Variants in ABI2 observed in about 807,000 individuals in gnomAD.
ABI2 encodes the protein abl interactor 2, also known as abelson interactor 2.
In ABI2, 25 loss-of-function variants were observed where a neutral mutation model predicts 59.2. That is an observed-to-expected ratio of 0.42 (90% CI 0.31 to 0.59). The LOEUF (loss-of-function observed/expected upper bound fraction) is 0.59, where lower values mean the gene tolerates loss of function less well. ABI2 is among the 20% of genes least tolerant of loss of function. The pLI is 0.14. For missense variants in ABI2, 545 were observed against 681.8 expected (o/e 0.80, Z 2.23); for synonymous variants, 213 against 235.5 (o/e 0.90, Z 0.87).
chr2:203,405,593 C>A (rs968592824), intron 9 of ABI2, among the ~76,000 whole-genome samples: 1 of 152,056 alleles, frequency 6.6e-6, no homozygotes, highest in African/African-American at 2.4e-5. Flanking sequence ...CTCCCAGTAG[C>A]CCTGCAATTG....
chr2:203,365,622 C>CTTT (rs71007507), intron 1 of ABI2, among the ~76,000 whole-genome samples: 705 of 63,936 alleles, frequency 0.011, 5 homozygotes, highest in East Asian at 0.035. Context: ...GGGCTGTTAT[C>CTTT]TTTTTTTTTT....
intron 4 of ABI2, among the ~76,000 whole-genome samples, chr2:203,384,809 C>T (rs369229903): frequency 6.6e-6 from 1 of 151,252 alleles, no homozygotes; most frequent in African/African-American, 2.4e-5. Context: ...AGTTGAACAT[C>T]GCCCAAGCAG....
chr2:203,393,842 C>T (rs1417598577), intron 5 of ABI2, among the ~76,000 whole-genome samples: 1 of 151,542 alleles, frequency 6.6e-6, no homozygotes, highest in Non-Finnish European at 1.5e-5. Flanking sequence ...AATTTGGAAA[C>T]CTAAGTAGAA....
intron 1 of ABI2, among the ~76,000 whole-genome samples, chr2:203,357,441 C>G (rs987684243): frequency 3.3e-5 from 5 of 152,178 alleles, no homozygotes; most frequent in African/African-American, 7.2e-5. Flanking sequence ...ACAAATGTAG[C>G]AAATACCTAG....
In ABI2 at chr2:203,367,037, T is replaced by C. The variant is rs1246865323; in HGVS notation, c.278T>C (p.Ile93Thr). 1 of 1,613,132 alleles carries C rather than the reference T, an allele frequency of 6.2e-7. No homozygotes were observed. The highest frequency in any genetic ancestry group is 8.5e-7 in the Non-Finnish European group (1 of 1,179,564). The change falls in exon 2 of 12, where the codon ATT becomes ACT. Residue 93 changes from isoleucine to threonine, a missense_variant. Around this residue, in one of 4 missense-constraint regions of ABI2, gnomAD observed 36 missense variants for 80.0 expected, o/e 0.45. Transcript: ENST00000261018. ...LRRMESSINHISQTVDIHKEK... is the reference protein window; with the variant it reads ...LRRMESSINHTSQTVDIHKEK... ...AGGATGGAATCTTCAATCAATCATA[T>C]TTCACAAGTGAGACCACAATATTTT...
At chr2:203,334,847 G>A (rs1249382376) in intron 1 of ABI2, among the ~76,000 whole-genome samples, 1 of 152,100 alleles carries the variant, frequency 6.6e-6, no homozygotes, top group Non-Finnish European at 1.5e-5. Context: ...TTTTAGTAGA[G>A]ACGGGGTTTC....
At chr2:203,344,574 T>G (rs1018096237) in intron 1 of ABI2, among the ~76,000 whole-genome samples, 75 of 152,004 alleles carry the variant, frequency 4.9e-4, no homozygotes, top group African/African-American at 1.6e-3. Flanking sequence ...TTTGTTTTTT[T>G]TTTTTGAGTC....
At chr2:203,379,632 T>A (rs1288255529) in intron 2 of ABI2, among the ~76,000 whole-genome samples, 2 of 152,244 alleles carry the variant, frequency 1.3e-5, no homozygotes, top group African/African-American at 4.8e-5. Context: ...ATTAGAAATG[T>A]AACTAGATTA....
chr2:203,380,709 A>G (rs1196881718), intron 3 of ABI2, among the ~76,000 whole-genome samples: 1 of 152,214 alleles, frequency 6.6e-6, no homozygotes, highest in Non-Finnish European at 1.5e-5. Flanking sequence ...TCATCATGTT[A>G]TTATGAAAGT....
Position 203,328,558 on chromosome 2 carries a change from G to T in ABI2, c.44G>T (p.Gly15Val), listed in dbSNP as rs2070020505. Residue 15 changes from glycine (G) to valine (V), a missense_variant, in exon 1 of 12, where the codon GGC (glycine) becomes GTC (valine). Gly to Val is a moderately radical substitution (Grantham distance 109). Transcript: ENST00000261018. ...QMLLEEEIPG[G>V]RRALFDSYTN... is the part of the protein sequence containing the mutation. The stretch of plus-strand genomic sequence containing the variant: ...CTGCTGGAAGAGGAAATCCCGGGGG[G>T]CCGCCGGGCCCTCTTCGACAGCTAC... 1 of 1,605,286 alleles carries T rather than the reference G, an allele frequency of 6.2e-7. No individual in the cohort carries two copies. Among genetic ancestry groups the T allele is most frequent in the Non-Finnish European group, 8.5e-7 (1 of 1,176,230 alleles).
At chr2:203,348,222 C>T (rs1404765342) in intron 1 of ABI2, among the ~76,000 whole-genome samples, 2 of 152,020 alleles carry the variant, frequency 1.3e-5, no homozygotes, top group African/African-American at 4.8e-5. Context: ...GCCTGGGGGA[C>T]AGAGCGAAAC....
At chr2:203,386,530 A>G in intron 4 of ABI2, 1 of 732,150 alleles carries the variant, frequency 1.4e-6, no homozygotes, top group Non-Finnish European at 1.6e-6. Context: ...TTAAGAAATT[A>G]TTAGGGAAGT....
At chr2:203,413,942 C>T (rs949905528) in intron 10 of ABI2, among the ~76,000 whole-genome samples, 1 of 152,054 alleles carries the variant, frequency 6.6e-6, no homozygotes, top group African/African-American at 2.4e-5. Context: ...CTGTTATTCC[C>T]CTTAAAATCT....
At position 203,411,385 on chromosome 2, in the gene ABI2, T is replaced by A. The variant is rs758648667; in HGVS notation, c.1279+14T>A. On this transcript the variant is annotated intron_variant, in intron 10 of 11. Transcript: ENST00000261018. ...TCCAAGAAAATAGTAAGTTTATGTCTTCTTTATGCTGTAGATCAGATTGTA... is the reference window on the plus strand; with the variant it reads ...TCCAAGAAAATAGTAAGTTTATGTCATCTTTATGCTGTAGATCAGATTGTA... The A allele has an allele frequency of 6.3e-7, 1 of 1,593,096 alleles. No homozygotes were observed. Among genetic ancestry groups the A allele is most frequent in the South Asian group, 1.1e-5 (1 of 90,500 alleles).
At chr2:203,366,175 T>A (rs1040728377) in intron 1 of ABI2, among the ~76,000 whole-genome samples, 1 of 151,876 alleles carries the variant, frequency 6.6e-6, no homozygotes, top group Admixed American at 6.6e-5. Context: ...AATGTTTAGC[T>A]GGGCCTGGTG....
At chr2:203,365,515 G>A (rs2152980088) in intron 1 of ABI2, among the ~76,000 whole-genome samples, 1 of 151,844 alleles carries the variant, frequency 6.6e-6, no homozygotes, top group South Asian at 2.1e-4. Flanking sequence ...AAATATTGAA[G>A]CCCTTGAGGT....
chr2:203,396,870 C>T lies in ABI2; in HGVS notation c.936C>T (p.Ser312=), dbSNP rs757955051. ...CTCTTGTTCCTGCTACTGTCCCTTC[C>T]TCCACTGCCCCAGACGCTGCTGCTG... ...PAPLVPATVP[S]STAPDAAAGG... Residue 312 remains serine, a synonymous_variant, in exon 8 of 12, where the codon TCC becomes TCT. Transcript: ENST00000261018. The T allele has an allele frequency of 1.3e-6, 2 of 1,534,934 alleles. No individual in the cohort carries two copies. The highest frequency in any genetic ancestry group is 2.0e-5 in the Admixed American group (1 of 50,612).
At position 203,397,280 on chromosome 2, in the gene ABI2, A is replaced by G. The variant is rs186554437; in HGVS notation, c.1033+313A>G. Among the ~76,000 whole-genome samples, 12 of 152,296 alleles carry G rather than the reference A, an allele frequency of 7.9e-5. 1 individual carries two copies. The East Asian group carries it at 2.3e-3, about 29-fold the overall frequency. On this transcript the variant is annotated intron_variant, in intron 8 of 11. Transcript: ENST00000261018. ...CAGTTTTTGGAAATTATCATTAGAA[A>G]TATTTTCATTATAGGTTAAGTGATT...
At chr2:203,338,966 A>G (rs2078074748) in intron 1 of ABI2, among the ~76,000 whole-genome samples, 3 of 8,140 alleles carry the variant, frequency 3.7e-4, no homozygotes, top group Admixed American at 3.4e-3. Flanking sequence ...ATATATAAAT[A>G]TATATATATA....
Sources: allele counts gnomAD v4.1 joint callset (sites outside exome capture counted in the v4.1 genomes callset), GRCh38; gene constraint gnomAD v4.1.1; regional missense constraint gnomAD v4.1.1; transcripts MANE v1.5; gene names NCBI Gene and HGNC (gene_info 2026-07-23, HGNC 2026-07-21).